Variants in OTOGL observed in about 807,000 individuals in gnomAD.
OTOGL encodes the protein otogelin-like protein.
OTOGL carries 285 observed loss-of-function variants against 318.5 expected under a neutral mutation model. The ratio of observed to expected loss-of-function variants is 0.89; its 90% CI spans 0.81 to 0.99. OTOGL has a LOEUF of 0.99. OTOGL is among the 50% of genes least tolerant of loss of function. OTOGL has a pLI of 0.00. For missense variants in OTOGL, 2,899 were observed against 2,845.6 expected, an observed-to-expected ratio of 1.02 and a Z score of -0.43; for synonymous variants, 987 against 936.5, an observed-to-expected ratio of 1.05 and a Z score of -0.99.
intron 1 of OTOGL, chr12:80,208,322 A>G (rs1314113667): frequency 4.5e-6 from 2 of 449,082 alleles, no homozygotes; most frequent in South Asian, 3.2e-5. Flanking sequence ...GATGTCAAGA[A>G]TACTTAATAG....
At chr12:80,332,123 T>C (rs565521763) in intron 37 of OTOGL, among the ~76,000 whole-genome samples, 24 of 152,284 alleles carry the variant, frequency 1.6e-4, no homozygotes, top group African/African-American at 5.1e-4. Context: ...GGGCTTCTTT[T>C]GTTTAAAAAT....
At chr12:80,160,210 C>T (rs556102124) in intron 1 of OTOGL, among the ~76,000 whole-genome samples, 1 of 152,074 alleles carries the variant, frequency 6.6e-6, no homozygotes, top group African/African-American at 2.4e-5. Context: ...GACCAAGAAC[C>T]CAAAGCAAAT....
At chr12:80,193,780 C>A (rs894689951) in intron 1 of OTOGL, among the ~76,000 whole-genome samples, 1 of 152,078 alleles carries the variant, frequency 6.6e-6, no homozygotes, top group African/African-American at 2.4e-5. Flanking sequence ...CTGAGAATGA[C>A]AAGGGTTAAG....
chr12:80,206,195 G>A (rs1053941918), intron 1 of OTOGL, among the ~76,000 whole-genome samples: 16 of 152,160 alleles, frequency 1.1e-4, no homozygotes. Flanking sequence ...TGTAGCAACA[G>A]TCATAAATTC....
chr12:80,279,314 C>T (rs1278285521), intron 26 of OTOGL, 148 bp downstream of exon 26: 15 of 859,770 alleles, frequency 1.7e-5, no homozygotes, highest in Middle Eastern at 3.7e-4. Context: ...ATTTCAGGTT[C>T]GGGGGTACTT....
intron 4 of OTOGL, among the ~76,000 whole-genome samples, chr12:80,215,650 A>G (rs1447830535): frequency 6.6e-6 from 1 of 152,172 alleles, no homozygotes; most frequent in Non-Finnish European, 1.5e-5. Flanking sequence ...GTCATTATAG[A>G]GTAGAAGTCA....
At chr12:80,103,864 A>G (rs1169331254) in intron 1 of OTOGL, among the ~76,000 whole-genome samples, 3 of 152,238 alleles carry the variant, frequency 2.0e-5, no homozygotes, top group African/African-American at 7.2e-5. Flanking sequence ...AATATATTCT[A>G]GACACCTGAG....
chr12:80,210,835 T>C lies in OTOGL; in HGVS notation c.80-12T>C. The C allele has an allele frequency of 6.9e-7, 1 of 1,445,172 alleles. No individual in the cohort carries two copies. The allele number at this position is 1,445,172 out of a possible 1,614,324, so 89.5% of individuals were successfully genotyped here. A position where few individuals can be genotyped will look rare whatever the true frequency, so the allele number is the denominator to read the frequency against. On this transcript the variant is annotated splice_polypyrimidine_tract_variant and intron_variant, in intron 2 of 58. Coordinates refer to ENST00000547103, the MANE Select transcript of OTOGL (RefSeq NM_001378609.3). ...TAATTTTTTTTCATTCTTATATATT[T>C]GTCTCTGGCAGAATATATTTGTGCA...
intron 7 of OTOGL, among the ~76,000 whole-genome samples, chr12:80,227,785 T>C (rs1311987833): frequency 6.6e-6 from 1 of 152,160 alleles, no homozygotes; most frequent in Non-Finnish European, 1.5e-5. Flanking sequence ...ATATCCCATA[T>C]GGCTTTCTCT....
At chr12:80,309,341 C>T (rs1344652770) in intron 29 of OTOGL, among the ~76,000 whole-genome samples, 1 of 151,992 alleles carries the variant, frequency 6.6e-6, no homozygotes, top group African/African-American at 2.4e-5. Context: ...AGAAAGGTTC[C>T]TGGAGAAGGT....
chr12:80,301,953 A>G (rs1427256807), intron 27 of OTOGL, among the ~76,000 whole-genome samples: 1 of 152,212 alleles, frequency 6.6e-6, no homozygotes, highest in African/African-American at 2.4e-5. Flanking sequence ...CAGCAGCAAA[A>G]CTAGCTGAAT....
Position 80,296,851 on chromosome 12 carries a change from G to A in OTOGL, c.2953G>A (p.Val985Ile). ...IKSADDSDIS[V>I]IAQNKKCFDN... Reference sequence around the variant, plus strand: ...GAGTGCAGATGATTCAGATATATCTGTCATTGCCCAGAACAAGAAATGCTT... The same window carrying A: ...GAGTGCAGATGATTCAGATATATCTATCATTGCCCAGAACAAGAAATGCTT... Residue 985 changes from valine to isoleucine, a missense_variant, in exon 27 of 59, where the codon GTC becomes ATC. Physicochemically the swap from Val to Ile is conservative, Grantham distance 29 (BLOSUM62 3). This residue lies in a region of OTOGL where 2,607 missense variants were observed against 2,524.9 expected (regional missense o/e 1.03). Coordinates refer to ENST00000547103, the MANE Select transcript of OTOGL (RefSeq NM_001378609.3). 1 of 1,520,704 alleles carries A rather than the reference G, an allele frequency of 6.6e-7. No individual in the cohort carries two copies. Among genetic ancestry groups the A allele is most frequent in the South Asian group, 1.2e-5 (1 of 82,560 alleles). 94.2% of individuals were successfully genotyped at this position (1,520,704 alleles called of 1,614,324 possible).
rs12308723 is a variant in OTOGL at position 80,294,281 on chromosome 12, C to G, written c.2929-2546C>G. ...GCATGAAATTGTAAGACAAAGCATA[C>G]AAGATAGAATATTTCTTGACATTTC... On this transcript the variant is annotated intron_variant, in intron 26 of 58. Coordinates refer to ENST00000547103, the MANE Select transcript of OTOGL (RefSeq NM_001378609.3). 5.4e-3 allele frequency among the ~76,000 whole-genome samples: 818 copies of G among 151,738 alleles called. 4 individuals are homozygous for G. The highest frequency in any genetic ancestry group is 0.019 in the African/African-American group (791 of 41,328).
chr12:80,134,032 G>A (rs754082484), intron 1 of OTOGL, among the ~76,000 whole-genome samples: 41 of 152,054 alleles, frequency 2.7e-4, no homozygotes, highest in Non-Finnish European at 2.5e-4. Context: ...AGCATTGTTT[G>A]TTAAATAGCA....
At chr12:80,143,099 A>G (rs1872061764) in intron 1 of OTOGL, among the ~76,000 whole-genome samples, 1 of 152,164 alleles carries the variant, frequency 6.6e-6, no homozygotes, top group Admixed American at 6.5e-5. Flanking sequence ...CTAATTAGGT[A>G]CAAACCTATC....
chr12:80,169,604 C>T lies in OTOGL; in HGVS notation c.-19-39809C>T, dbSNP rs369684166. Among the ~76,000 whole-genome samples the T allele has an allele frequency of 3.9e-5, 6 of 152,104 alleles. No individual in the cohort carries two copies. The East Asian group carries it at 1.2e-3, about 29-fold the overall frequency. On this transcript the variant is annotated intron_variant, in intron 1 of 58. Coordinates refer to ENST00000547103, the MANE Select transcript of OTOGL (RefSeq NM_001378609.3). Reference sequence around the variant, plus strand: ...GTTGTGAGAATGAATAATGTCATGTCACCATCACCACAATCACAATAAATC... The same window carrying T: ...GTTGTGAGAATGAATAATGTCATGTTACCATCACCACAATCACAATAAATC...
At chr12:80,320,134 A>G (rs1451373796) in intron 33 of OTOGL, among the ~76,000 whole-genome samples, 2 of 152,096 alleles carry the variant, frequency 1.3e-5, no homozygotes, top group African/African-American at 4.8e-5. Flanking sequence ...CCTCATTGAC[A>G]TTTCCTTTTT....
At position 80,379,866 on chromosome 12, in the gene OTOGL, C is replaced by A. The variant is rs1205031997; in HGVS notation, c.*1818C>A. The A allele has an allele frequency of 6.6e-6, 1 of 151,940 alleles. No homozygotes were observed. Among genetic ancestry groups the A allele is most frequent in the Non-Finnish European group, 1.5e-5 (1 of 67,896 alleles). 9.4% of individuals were successfully genotyped at this position (151,940 alleles called of 1,614,324 possible). Reference sequence around the variant, plus strand: ...GGCACTATTATAAACTCTTGGGACACAGGCAAAACTAAACAGACACAGTCC... The same window carrying A: ...GGCACTATTATAAACTCTTGGGACAAAGGCAAAACTAAACAGACACAGTCC... On this transcript the variant is annotated 3_prime_UTR_variant, in exon 59 of 59. Coordinates refer to ENST00000547103, the MANE Select transcript of OTOGL (RefSeq NM_001378609.3).
chr12:80,264,916 GTA>G (rs1283271208), intron 19 of OTOGL, 83 bp from the exon 20 acceptor site: 1 of 1,345,260 alleles, frequency 7.4e-7, no homozygotes, highest in African/African-American at 1.4e-5. Flanking sequence ...GCACTACAGT[GTA>G]TTTCTAAGAA....
Sources: gnomAD v4.1 joint callset for allele counts (sites outside exome capture counted in the v4.1 genomes callset) on GRCh38, gnomAD v4.1.1 for gene constraint, gnomAD v4.1.1 regional missense constraint, MANE v1.5 for transcripts, NCBI Gene and HGNC (gene_info 2026-07-23, HGNC 2026-07-21) for gene names.